IFITM10: variants seen among roughly 807,000 people sequenced by gnomAD.
The protein encoded by IFITM10 is interferon-induced transmembrane protein 10.
In IFITM10, 17 loss-of-function variants were observed where a neutral mutation model predicts 19.0. The observed-to-expected ratio is 0.90, with a 90% CI of 0.61 to 1.34. IFITM10 has a LOEUF of 1.34. Ranked by LOEUF, IFITM10 falls within the 40% of genes most tolerant of loss-of-function variation. The probability of loss-of-function intolerance (pLI) is 0.00; values close to 1 mark genes in which losing one functional copy is unlikely to be tolerated. For missense variants in IFITM10, 306 were observed against 319.8 expected, an observed-to-expected ratio of 0.96 and a Z score of 0.33; for synonymous variants, 148 against 147.2, an observed-to-expected ratio of 1.01 and a Z score of -0.04.
chr11:1,737,956 A>G (rs1461771213), intron 2 of IFITM10, among the ~76,000 whole-genome samples: 1 of 152,150 alleles, frequency 6.6e-6, no homozygotes, highest in Non-Finnish European at 1.5e-5. Context: ...AAGCGGATGG[A>G]GCGGAGGGCA....
chr11:1,747,404 G>A (rs1041314116), intron 2 of IFITM10, among the ~76,000 whole-genome samples: 1 of 151,980 alleles, frequency 6.6e-6, no homozygotes, highest in Non-Finnish European at 1.5e-5. Flanking sequence ...CGCTGAGCTG[G>A]CTGAGCAGAA....
At chr11:1,743,634 C>T (rs1845598984) in intron 2 of IFITM10, among the ~76,000 whole-genome samples, 1 of 152,136 alleles carries the variant, frequency 6.6e-6, no homozygotes, top group Non-Finnish European at 1.5e-5. Flanking sequence ...AACCCACCCA[C>T]CTAACCTGTT....
chr11:1,749,514 C>T (rs1403305469), intron 1 of IFITM10, among the ~76,000 whole-genome samples: 1 of 148,552 alleles, frequency 6.7e-6, no homozygotes, highest in African/African-American at 2.5e-5. Context: ...CCAAGAGAGA[C>T]CCTCTTCCTC....
In IFITM10 at chr11:1,741,637, G is replaced by C. The variant is rs545337501; in HGVS notation, c.537+6030C>G. On this transcript the variant is annotated intron_variant, in intron 2 of 2. Coordinates refer to ENST00000340134, the MANE Select transcript of IFITM10 (RefSeq NM_001170820.4). ...GTGTGAAGGAAAAAGAGCAGGGGTGGGCAGATGTGGGTACAGAGAGGAACT... is the reference window on the plus strand; with the variant it reads ...GTGTGAAGGAAAAAGAGCAGGGGTGCGCAGATGTGGGTACAGAGAGGAACT... Among the ~76,000 whole-genome samples the C allele has an allele frequency of 2.0e-4, 31 of 152,242 alleles. No homozygotes were observed. In the Middle Eastern group the frequency reaches 0.01, roughly 50 times the overall value.
chr11:1,743,308 G>A (rs1036846863), intron 2 of IFITM10, among the ~76,000 whole-genome samples: 2 of 149,908 alleles, frequency 1.3e-5, no homozygotes, highest in African/African-American at 4.9e-5. Context: ...TGGATGGACA[G>A]ATGAAGAATG....
rs1331868309 is a variant in IFITM10 at position 1,750,380 on chromosome 11, G to A, written c.63C>T (p.Val21=). 14 of 1,549,924 alleles carry A rather than the reference G, an allele frequency of 9.0e-6. No individual in the cohort carries two copies. The African/African-American group carries it at 1.5e-4, about 17-fold the overall frequency. Reference sequence around the variant, plus strand: ...CAACCTCCAGCTCCCACTGAGCCTCGACCCTCTCCAAAGTCCCCCGGAAGC... The same window carrying A: ...CAACCTCCAGCTCCCACTGAGCCTCAACCCTCTCCAAAGTCCCCCGGAAGC... ...ILSFRGTLER[V]EAQWELEAQG... The change falls in exon 1 of 3, where the codon GTC becomes GTT. Residue 21 remains valine, a synonymous_variant. Transcript: ENST00000340134.
At chr11:1,738,469 C>T (rs1249280052) in intron 2 of IFITM10, among the ~76,000 whole-genome samples, 1 of 152,128 alleles carries the variant, frequency 6.6e-6, no homozygotes, top group Non-Finnish European at 1.5e-5. Flanking sequence ...CATAGACGAA[C>T]ATATGAATAT....
intron 2 of IFITM10, among the ~76,000 whole-genome samples, chr11:1,736,752 A>G (rs2133640423): frequency 6.7e-6 from 1 of 148,584 alleles, no homozygotes. Flanking sequence ...AGTGGATGGA[A>G]TGGATGGAGT....
chr11:1,735,356 A>C lies in IFITM10; in HGVS notation c.611T>G (p.Ile204Ser). Residue 204 changes from isoleucine (I) to serine (S), a missense_variant, in exon 3 of 3, where the codon ATC becomes AGC. Transcript: ENST00000340134. Reference sequence around the variant, plus strand: ...GGAGGCTGCCAGGGCAGAACTGGTGATGTTGAACAGCCGGGCCGTCTTTGC... The same window carrying C: ...GGAGGCTGCCAGGGCAGAACTGGTGCTGTTGAACAGCCGGGCCGTCTTTGC... ...EDAKTARLFN[I>S]TSSALAASCI... 1.3e-6 allele frequency: 2 copies of C among 1,551,706 alleles called. No individual in the cohort carries two copies. The highest frequency in any genetic ancestry group is 1.7e-6 in the Non-Finnish European group (2 of 1,146,970).
At chr11:1,748,883 A>G (rs1443263697) in intron 1 of IFITM10, 1 of 202,406 alleles carries the variant, frequency 4.9e-6, no homozygotes, top group African/African-American at 2.4e-5. Flanking sequence ...CGAGGCACCA[A>G]GTCGCTCGCG....
intron 1 of IFITM10, among the ~76,000 whole-genome samples, chr11:1,749,365 C>G (rs1005253245): frequency 1.4e-4 from 21 of 152,074 alleles, no homozygotes; most frequent in East Asian, 1.9e-4. Flanking sequence ...CTACAGCCCC[C>G]GACCAGGGTG....
Position 1,747,767 on chromosome 11 carries a change from T to TC in IFITM10, c.436dup (p.Asp146GlyfsTer43). The TC allele has an allele frequency of 6.4e-7, 1 of 1,551,848 alleles. No homozygotes were observed. Among genetic ancestry groups the TC allele is most frequent in the Non-Finnish European group, 8.7e-7 (1 of 1,146,962 alleles). Reference sequence around the variant, plus strand: ...GTAATAGTCGTTCACCTCGGTGGTGTCCGGGTAGACCTCGATGACGGTCGT... The same window carrying TC: ...GTAATAGTCGTTCACCTCGGTGGTGTCCCGGGTAGACCTCGATGACGGTCGT... On this transcript the variant is annotated frameshift_variant, in exon 2 of 3. Coordinates refer to ENST00000340134, the MANE Select transcript of IFITM10 (RefSeq NM_001170820.4). LOFTEE classifies it high-confidence loss of function.
intron 2 of IFITM10, among the ~76,000 whole-genome samples, chr11:1,739,844 G>A (rs1171415648): frequency 6.6e-6 from 1 of 152,220 alleles, no homozygotes; most frequent in East Asian, 1.9e-4. Context: ...TAGGTGCAGA[G>A]TAGGGGCAGC....
At chr11:1,735,786 G>A (rs1851080818) in intron 2 of IFITM10, among the ~76,000 whole-genome samples, 1 of 152,288 alleles carries the variant, frequency 6.6e-6, no homozygotes, top group South Asian at 2.1e-4. Context: ...CTTTTTGCAA[G>A]TTTTAAATGA....
In IFITM10 at chr11:1,747,865, G is replaced by C; in HGVS notation, c.339C>G (p.Thr113=). The C allele has an allele frequency of 6.5e-7, 1 of 1,536,932 alleles. No individual in the cohort carries two copies. Among genetic ancestry groups the C allele is most frequent in the South Asian group, 1.2e-5 (1 of 81,186 alleles). Residue 113 remains threonine (T), a synonymous_variant, in exon 2 of 3, where the codon ACC becomes ACG. Coordinates refer to ENST00000340134, the MANE Select transcript of IFITM10 (RefSeq NM_001170820.4). The stretch of plus-strand genomic sequence containing the variant: ...GCGCGCCGGCAGCCCGCACGCTGTC[G>C]GTCTTGCTGCTCTTGGACTCCATGG... The part of the protein sequence containing the change: ...LFPMESKSSK[T]DSVRAAGAPP...
rs1289843350 is a variant in IFITM10 at position 1,733,034 on chromosome 11, C to G, written c.*2246G>C. 2.0e-5 allele frequency: 3 copies of G among 152,472 alleles called. No individual in the cohort carries two copies. Among genetic ancestry groups the G allele is most frequent in the African/African-American group, 7.2e-5 (3 of 41,446 alleles). The allele number at this position is 152,472 out of a possible 1,614,324, so 9.4% of individuals were successfully genotyped here. A position where few individuals can be genotyped will look rare whatever the true frequency, so the allele number is the denominator to read the frequency against. On this transcript the variant is annotated 3_prime_UTR_variant, in exon 3 of 3. Transcript: ENST00000340134. The surrounding 1 kb of genome is among the most constrained non-coding windows in gnomAD (Gnocchi z 6.3). ...GGGTTGGCCTTAGCTGCCCCAGGAA[C>G]TAGAAGCCAGGACCCTCTCTCTTCC...
At position 1,735,443 on chromosome 11, in the gene IFITM10, G is replaced by A; in HGVS notation, c.538-14C>T. 3 of 1,550,394 alleles carry A rather than the reference G, an allele frequency of 1.9e-6. No homozygotes were observed. Among genetic ancestry groups the A allele is most frequent in the Non-Finnish European group, 2.6e-6 (3 of 1,146,168 alleles). On this transcript the variant is annotated splice_polypyrimidine_tract_variant and intron_variant, in intron 2 of 2. Coordinates refer to ENST00000340134, the MANE Select transcript of IFITM10 (RefSeq NM_001170820.4). ...CTTGTCTCGCACCTGAAGCCGGGAGGAGGACAGGAAATGGGCAGTCAGCCA... is the reference window on the plus strand; with the variant it reads ...CTTGTCTCGCACCTGAAGCCGGGAGAAGGACAGGAAATGGGCAGTCAGCCA...
Position 1,747,951 on chromosome 11 carries a change from C to A in IFITM10, c.253G>T (p.Ala85Ser). The change falls in exon 2 of 3, where the codon GCT becomes TCT. Residue 85 changes from alanine to serine, a missense_variant. Transcript: ENST00000340134. Reference protein sequence around the residue: ...ACVSKPPALQAPAAPAPEPSA... With the variant: ...ACVSKPPALQSPAAPAPEPSA... ...GGCTCAGGGGCAGGGGCCGCCGGAG[C>A]CTGCAGGGCAGGGGGCTTGGACACG... The A allele has an allele frequency of 6.8e-7, 1 of 1,468,904 alleles. No homozygotes were observed. The highest frequency in any genetic ancestry group is 9.0e-7 in the Non-Finnish European group (1 of 1,109,236). 91.0% of individuals were successfully genotyped at this position (1,468,904 alleles called of 1,614,324 possible).
intron 2 of IFITM10, chr11:1,746,732 C>T (rs1349735375): frequency 6.5e-5 from 26 of 398,900 alleles, no homozygotes; most frequent in Non-Finnish European, 9.3e-5. Flanking sequence ...CATCCCCTGT[C>T]TTCTCCCCCA....
Sources: allele counts gnomAD v4.1 joint callset (sites outside exome capture counted in the v4.1 genomes callset), GRCh38; gene constraint gnomAD v4.1.1; non-coding constraint Gnocchi (gnomAD v3.1); transcripts MANE v1.5; gene names NCBI Gene and HGNC (gene_info 2026-07-23, HGNC 2026-07-21).